Variants in ZNF676 observed in about 807,000 individuals in gnomAD.
ZNF676 encodes zinc finger protein 676.
Under a neutral mutation model 6.0 loss-of-function variants are expected in ZNF676, and 4 were observed. That is an observed-to-expected ratio of 0.67 (90% CI 0.33 to 1.53). The LOEUF is 1.53. ZNF676 is among the 40% of genes most tolerant of loss of function. ZNF676 has a pLI of 0.06. For synonymous variants in ZNF676, 198 were observed against 223.1 expected, an observed-to-expected ratio of 0.89 and a Z score of 1.00; for missense variants, 644 against 679.7, an observed-to-expected ratio of 0.95 and a Z score of 0.58.
chr19:22,236,406 G>T, the ZNF676 span, among the ~76,000 whole-genome samples: 2 of 152,108 alleles, frequency 1.3e-5, no homozygotes, highest in Non-Finnish European at 2.9e-5. Context: ...TTAACTGGAG[G>T]ACCACAGTGA....
chr19:22,231,009 A>G, the ZNF676 span, among the ~76,000 whole-genome samples: 1 of 152,184 alleles, frequency 6.6e-6, no homozygotes, highest in African/African-American at 2.4e-5. Flanking sequence ...ATACAAAAAA[A>G]TGAAATTTCT....
intron 2 of ZNF676, among the ~76,000 whole-genome samples, chr19:22,184,925 C>A (rs73023717): frequency 0.034 from 5,098 of 150,692 alleles, 91 homozygotes; most frequent in Middle Eastern, 0.06. Context: ...GGGGAAGGGA[C>A]AGCTGGGAGC....
the ZNF676 span, among the ~76,000 whole-genome samples, chr19:22,229,248 G>A: frequency 6.6e-6 from 1 of 152,088 alleles, no homozygotes. Context: ...ACAAGAAATG[G>A]GGAAAGGATT....
At chr19:22,219,967 T>C (rs1197797288), upstream of ZNF676, among the ~76,000 whole-genome samples, 1 of 152,094 alleles carries the variant, frequency 6.6e-6, no homozygotes, top group Non-Finnish European at 1.5e-5. Flanking sequence ...TCATAGATGG[T>C]TTTTATGACC....
Position 22,181,179 on chromosome 19 carries a change from A to C in ZNF676, c.538T>G (p.Trp180Gly), listed in dbSNP as rs780927079. 2 of 1,613,954 alleles carry C rather than the reference A, an allele frequency of 1.2e-6. No homozygotes were observed. The highest frequency in any genetic ancestry group is 1.3e-5 in the African/African-American group (1 of 75,044). ...TTATAATAAGTAAGGGTTGAGGACC[A>C]GTTAAAAGCTTTGCCATTTTCTTCA... ...KCEENGKAFN[W>G]SSTLTYYKSI... is the part of the protein sequence containing the mutation. Residue 180 changes from tryptophan to glycine, a missense_variant, in exon 3 of 3, where the codon TGG becomes GGG. Physicochemically the swap from Trp to Gly is radical, Grantham distance 184. Coordinates refer to ENST00000397121, the MANE Select transcript of ZNF676 (RefSeq NM_001001411.3).
the ZNF676 span, among the ~76,000 whole-genome samples, chr19:22,229,293 A>G: frequency 6.6e-6 from 1 of 152,212 alleles, no homozygotes; most frequent in Admixed American, 6.5e-5. Context: ...AAAACTGGCT[A>G]GCCATATGCA....
In ZNF676 at chr19:22,180,221, T is replaced by G. The variant is rs1372993570; in HGVS notation, c.1496A>C (p.His499Pro). Residue 499 changes from histidine (H) to proline (P), a missense_variant, in exon 3 of 3, where the codon CAT (histidine) becomes CCT (proline). Transcript: ENST00000397121. The stretch of plus-strand genomic sequence containing the variant: ...ACATTTGTAGCGTTTCTCTCCAGTA[T>G]GAATTATCTTATGTTTAGTAAGGAT... Reference protein sequence around the residue: ...FSILTKHKIIHTGEKRYKCEE... With the variant: ...FSILTKHKIIPTGEKRYKCEE... 1.9e-6 allele frequency: 3 copies of G among 1,613,824 alleles called. No individual in the cohort carries two copies. The highest frequency in any genetic ancestry group is 2.5e-6 in the Non-Finnish European group (3 of 1,179,918).
the ZNF676 span, among the ~76,000 whole-genome samples, chr19:22,226,730 G>A: frequency 1.1e-4 from 16 of 151,672 alleles, no homozygotes; most frequent in East Asian, 3.9e-4. Flanking sequence ...CTGAATAGTT[G>A]GGATTACAGG....
chr19:22,257,729 T>A, the ZNF676 span, among the ~76,000 whole-genome samples: 1 of 151,462 alleles, frequency 6.6e-6, no homozygotes, highest in Admixed American at 6.6e-5. Flanking sequence ...TAGAGAAGAG[T>A]CATATCACCT....
chr19:22,196,425 A>C (rs1329985157), intron 1 of ZNF676, among the ~76,000 whole-genome samples, 175 bp downstream of exon 1: 2 of 152,148 alleles, frequency 1.3e-5, no homozygotes, highest in Non-Finnish European at 2.9e-5. Context: ...GGGCTATAGA[A>C]GCTCAGGACC....
intron 2 of ZNF676, among the ~76,000 whole-genome samples, chr19:22,182,585 T>TAAAAAAAAAAAAAAAAAAAAA (rs67699215): frequency 1.1e-4 from 5 of 45,036 alleles, no homozygotes; most frequent in East Asian, 7.2e-4. Flanking sequence ...GTCAAAGTTC[T>TAAAAAAAAAAAAAAAAAAAAA]AAAAAAAAAA....
At chr19:22,235,121 C>CAGAAAGGAAGGAAGGAAGGAAGGAAGGA in the ZNF676 span, among the ~76,000 whole-genome samples, 1 of 131,704 alleles carries the variant, frequency 7.6e-6, no homozygotes, top group African/African-American at 2.9e-5. Flanking sequence ...GGCAGGAAGG[C>CAGAAAGGAAGGAAGGAAGGAAGGAAGGA]AGGAAGGAAG....
chr19:22,259,398 T>C, the ZNF676 span, among the ~76,000 whole-genome samples: 1 of 152,220 alleles, frequency 6.6e-6, no homozygotes, highest in East Asian at 1.9e-4. Flanking sequence ...AAGTGATATG[T>C]CACAATCTCC....
the ZNF676 span, among the ~76,000 whole-genome samples, chr19:22,259,380 G>C: frequency 1.3e-5 from 2 of 152,176 alleles, no homozygotes; most frequent in Non-Finnish European, 2.9e-5. Flanking sequence ...TCACATAGGT[G>C]CTGGGTCAAG....
chr19:22,240,557 G>T, the ZNF676 span, among the ~76,000 whole-genome samples: 3 of 151,936 alleles, frequency 2.0e-5, no homozygotes, highest in Non-Finnish European at 4.4e-5. Context: ...ACTCTGGGAG[G>T]CTGAGGAGGG....
the ZNF676 span, among the ~76,000 whole-genome samples, chr19:22,246,850 A>T: frequency 5.3e-5 from 8 of 152,224 alleles, no homozygotes; most frequent in Non-Finnish European, 8.8e-5. Flanking sequence ...AATTGTCTCA[A>T]TCCCTCCTAT....
At chr19:22,234,897 C>T in the ZNF676 span, among the ~76,000 whole-genome samples, 166 of 150,548 alleles carry the variant, frequency 1.1e-3, no homozygotes, top group African/African-American at 4.0e-3. Flanking sequence ...AATGCCATTG[C>T]ACTCTAGCCT....
intron 1 of ZNF676, among the ~76,000 whole-genome samples, chr19:22,209,630 C>A (rs2024110767): frequency 6.6e-6 from 1 of 152,044 alleles, no homozygotes; most frequent in African/African-American, 2.4e-5. Context: ...TGCACATGTA[C>A]CCCTGAACCA....
At chr19:22,211,037 T>C (rs2024124698) in intron 1 of ZNF676, among the ~76,000 whole-genome samples, 1 of 152,164 alleles carries the variant, frequency 6.6e-6, no homozygotes, top group African/African-American at 2.4e-5. Context: ...CTAATCTTTA[T>C]AATCCTTAAA....
Sources: gnomAD v4.1 joint callset for allele counts (sites outside exome capture counted in the v4.1 genomes callset) on GRCh38, gnomAD v4.1.1 for gene constraint, MANE v1.5 for transcripts, NCBI Gene and HGNC (gene_info 2026-07-23, HGNC 2026-07-21) for gene names.